Variants in PRTFDC1 observed in about 807,000 individuals in gnomAD.
The protein encoded by PRTFDC1 is phosphoribosyltransferase domain-containing protein 1.
Under a neutral mutation model 34.6 loss-of-function variants are expected in PRTFDC1, and 38 were observed. The observed-to-expected ratio is 1.10, with a 90% CI of 0.85 to 1.44. PRTFDC1 has a LOEUF of 1.44. PRTFDC1 is among the 40% of genes most tolerant of loss of function. The pLI, the probability that PRTFDC1 is intolerant of heterozygous loss-of-function variation, is 0.00. For synonymous variants in PRTFDC1, 93 were observed against 98.1 expected, an observed-to-expected ratio of 0.95 and a Z score of 0.31; for missense variants, 270 against 283.0, an observed-to-expected ratio of 0.95 and a Z score of 0.33.
Position 24,872,061 on chromosome 10 carries a change from A to G in PRTFDC1, c.342T>C (p.Asn114=), listed in dbSNP as rs1414981122. The G allele has an allele frequency of 6.2e-7, 1 of 1,607,702 alleles. No individual in the cohort carries two copies. The highest frequency in any genetic ancestry group is 1.7e-5 in the Admixed American group (1 of 59,586). The stretch of plus-strand genomic sequence containing the variant: ...TCTGCATCTCACCCATGGACTGGTC[A>G]TTCTGCAAAAAAGAAGAAAAAAAAG... ...VDFIRLKSYR[N]DQSMGEMQII... Residue 114 remains asparagine (N), a splice_region_variant and synonymous_variant, in exon 4 of 9, where the codon AAT becomes AAC. Transcript: ENST00000320152.
chr10:24,926,523 A>G (rs1848877562), intron 3 of PRTFDC1, among the ~76,000 whole-genome samples: 1 of 151,854 alleles, frequency 6.6e-6, no homozygotes, highest in Non-Finnish European at 1.5e-5. Context: ...TAATTTTTGT[A>G]TTTTCAGTAG....
intron 3 of PRTFDC1, chr10:24,908,513 T>C (rs746643601): frequency 1.2e-6 from 2 of 1,612,518 alleles, no homozygotes; most frequent in South Asian, 1.1e-5. Context: ...CTAATTCTGC[T>C]CTGATCTTGG....
rs572994175 is a variant in PRTFDC1 at position 24,872,231 on chromosome 10, C to CT, written c.340-169dup. Among the ~76,000 whole-genome samples the CT allele has an allele frequency of 7.9e-5, 12 of 152,314 alleles. No homozygotes were observed. The South Asian group carries it at 2.3e-3, about 29-fold the overall frequency. On this transcript the variant is annotated intron_variant, in intron 3 of 8. Transcript: ENST00000320152. ...ATGGTTACCAAGAGCCATGCTCCTG[C>CT]TACTGCCCTTGAGACAAAGCTTTCT...
chr10:24,950,628 C>A (rs1238640925), intron 1 of PRTFDC1, among the ~76,000 whole-genome samples: 1 of 152,046 alleles, frequency 6.6e-6, no homozygotes, highest in Non-Finnish European at 1.5e-5. Flanking sequence ...CTTCTGATGA[C>A]CTCTTGACCC....
At chr10:24,930,064 T>TAC (rs1425555755) in intron 3 of PRTFDC1, among the ~76,000 whole-genome samples, 1 of 148,186 alleles carries the variant, frequency 6.7e-6, no homozygotes, top group Non-Finnish European at 1.5e-5. Flanking sequence ...TAAACACATG[T>TAC]ACACACACAC....
intron 4 of PRTFDC1, among the ~76,000 whole-genome samples, chr10:24,868,746 AC>A (rs1341186531): frequency 6.6e-6 from 1 of 151,286 alleles, no homozygotes; most frequent in Non-Finnish European, 1.5e-5. Flanking sequence ...TTTCTTCTAC[AC>A]CCATTAAAAC....
chr10:24,872,676 C>CGT (rs1040518248), intron 3 of PRTFDC1, among the ~76,000 whole-genome samples: 16 of 146,206 alleles, frequency 1.1e-4, no homozygotes, highest in South Asian at 1.1e-3. Flanking sequence ...CAGAACTATA[C>CGT]GTGTGTGTGT....
In PRTFDC1 at chr10:24,942,410, G is replaced by C; in HGVS notation, c.75C>G (p.Asp25Glu). ...GCTGTGGGTACGTGAATAAATTCAAGTCATACCCTGGCCAATCATCCATAA... is the reference window on the plus strand; with the variant it reads ...GCTGTGGGTACGTGAATAAATTCAACTCATACCCTGGCCAATCATCCATAA... Reference protein sequence around the residue: ...VVIMDDWPGYDLNLFTYPQHY... With the variant: ...VVIMDDWPGYELNLFTYPQHY... The change falls in exon 2 of 9, where the codon GAC becomes GAG. Residue 25 changes from aspartate (D) to glutamate (E), a missense_variant. Physicochemically the swap from Asp to Glu is conservative, Grantham distance 45 (BLOSUM62 2). Transcript: ENST00000320152. The C allele has an allele frequency of 1.2e-6, 2 of 1,613,654 alleles. No individual in the cohort carries two copies. Among genetic ancestry groups the C allele is most frequent in the East Asian group, 2.2e-5 (1 of 44,886 alleles).
chr10:24,880,847 C>CTTTCTT (rs1555046667), intron 3 of PRTFDC1, among the ~76,000 whole-genome samples: 36 of 149,102 alleles, frequency 2.4e-4, no homozygotes, highest in African/African-American at 8.7e-4. Flanking sequence ...TTCTTTCTTT[C>CTTTCTT]TTTCTTTCTT....
chr10:24,905,122 C>A (rs1336781985), intron 3 of PRTFDC1, among the ~76,000 whole-genome samples: 1 of 150,390 alleles, frequency 6.6e-6, no homozygotes, highest in African/African-American at 2.5e-5. Context: ...GCCTGGACAA[C>A]ATGAAGACCC....
At chr10:24,908,715 G>A in intron 3 of PRTFDC1, 1 of 1,552,600 alleles carries the variant, frequency 6.4e-7, no homozygotes, top group South Asian at 1.2e-5. Flanking sequence ...GGAGCAGTGA[G>A]GGAGGAAGGA....
At chr10:24,916,295 C>A (rs1848694525) in intron 3 of PRTFDC1, among the ~76,000 whole-genome samples, 1 of 152,192 alleles carries the variant, frequency 6.6e-6, no homozygotes, top group Non-Finnish European at 1.5e-5. Context: ...AGCCATCTCC[C>A]TGCTCAACCT....
chr10:24,941,264 C>T (rs1849152946), intron 2 of PRTFDC1, among the ~76,000 whole-genome samples: 1 of 119,416 alleles, frequency 8.4e-6, no homozygotes, highest in Non-Finnish European at 1.9e-5. Context: ...CTACATTGCC[C>T]AGGCTGGTCT....
intron 3 of PRTFDC1, among the ~76,000 whole-genome samples, chr10:24,881,600 C>A (rs1197479047): frequency 6.6e-6 from 1 of 152,184 alleles, no homozygotes; most frequent in African/African-American, 2.4e-5. Flanking sequence ...ATCAGGTCAA[C>A]TCCTTTCTAT....
At chr10:24,943,218 T>C (rs1261512840) in intron 1 of PRTFDC1, among the ~76,000 whole-genome samples, 1 of 152,092 alleles carries the variant, frequency 6.6e-6, no homozygotes, top group Non-Finnish European at 1.5e-5. Context: ...ACGTATCTCC[T>C]GGGATCAGAG....
intron 3 of PRTFDC1, among the ~76,000 whole-genome samples, chr10:24,916,862 G>A (rs1848703915): frequency 6.6e-6 from 1 of 152,124 alleles, no homozygotes; most frequent in African/African-American, 2.4e-5. Context: ...GCAATTTAGG[G>A]CTTGTTGGAA....
intron 3 of PRTFDC1, among the ~76,000 whole-genome samples, chr10:24,904,757 T>C (rs904618225): frequency 6.6e-6 from 1 of 152,218 alleles, no homozygotes; most frequent in African/African-American, 2.4e-5. Flanking sequence ...CTACTGATCC[T>C]GTCCATGTGC....
chr10:24,862,676 T>C (rs1337222542), intron 4 of PRTFDC1, among the ~76,000 whole-genome samples: 1 of 152,088 alleles, frequency 6.6e-6, no homozygotes, highest in Non-Finnish European at 1.5e-5. Context: ...GTGGTTTTTT[T>C]TTGTTTTTGT....
rs1355954160 is a variant in PRTFDC1 at position 24,849,624 on chromosome 10, A to C, written c.*220T>G. 2.0e-6 allele frequency: 1 copy of C among 506,062 alleles called. No individual in the cohort carries two copies. The highest frequency in any genetic ancestry group is 3.0e-5 in the East Asian group (1 of 32,958). The allele number at this position is 506,062 out of a possible 1,614,324, so 31.3% of individuals were successfully genotyped here. Reference sequence around the variant, plus strand: ...GCTGAGTCACAAGGCGGAGTGTTTAATTTGGAACAAGTCAAATAAAAGCAC... The same window carrying C: ...GCTGAGTCACAAGGCGGAGTGTTTACTTTGGAACAAGTCAAATAAAAGCAC... On this transcript the variant is annotated 3_prime_UTR_variant, in exon 9 of 9. Coordinates refer to ENST00000320152, the MANE Select transcript of PRTFDC1 (RefSeq NM_020200.7).
Sources: gnomAD v4.1 joint callset for allele counts (sites outside exome capture counted in the v4.1 genomes callset) on GRCh38, gnomAD v4.1.1 for gene constraint, MANE v1.5 for transcripts, NCBI Gene and HGNC (gene_info 2026-07-23, HGNC 2026-07-21) for gene names.